The following ADAM12 variants were observed in gnomAD, a reference collection of about 807,000 sequenced individuals.
ADAM12 encodes the protein ADAM metallopeptidase domain 12.
In ADAM12, 70 loss-of-function variants were observed where a neutral mutation model predicts 106.4. That is an observed-to-expected ratio of 0.66 (90% CI 0.54 to 0.80). The LOEUF is 0.80. Ranked by LOEUF, ADAM12 falls within the 30% of genes least tolerant of loss-of-function variation. The probability of loss-of-function intolerance (pLI) is 0.00; values close to 1 mark genes in which losing one functional copy is unlikely to be tolerated. For synonymous variants in ADAM12, 420 were observed against 433.5 expected, an observed-to-expected ratio of 0.97 and a Z score of 0.39; for missense variants, 1,010 against 1,171.9, an observed-to-expected ratio of 0.86 and a Z score of 2.02.
At chr10:126,090,015 C>A (rs1231966418) in intron 11 of ADAM12, among the ~76,000 whole-genome samples, 15 of 152,132 alleles carry the variant, frequency 9.9e-5, no homozygotes, top group Non-Finnish European at 4.4e-5. Flanking sequence ...GTCTTGAACT[C>A]CTGGCCTCAA....
chr10:126,227,973 G>C (rs1012273681), intron 3 of ADAM12, among the ~76,000 whole-genome samples: 4 of 152,098 alleles, frequency 2.6e-5, no homozygotes, highest in African/African-American at 9.7e-5. Context: ...GGAGGAGACA[G>C]TGGGGACCTT....
chr10:126,099,583 T>C (rs1955621283), intron 9 of ADAM12, among the ~76,000 whole-genome samples: 1 of 152,166 alleles, frequency 6.6e-6, no homozygotes, highest in Non-Finnish European at 1.5e-5. Context: ...GGGAAAAATA[T>C]CAAAACACTC....
intron 3 of ADAM12, among the ~76,000 whole-genome samples, chr10:126,169,150 C>T (rs1471245): frequency 0.044 from 6,689 of 152,154 alleles, 206 homozygotes; most frequent in Non-Finnish European, 0.07. Context: ...CTGTGGCCTC[C>T]CTTTGGTTTC....
At chr10:126,132,453 G>T (rs1271749870) in intron 5 of ADAM12, among the ~76,000 whole-genome samples, 2 of 151,694 alleles carry the variant, frequency 1.3e-5, no homozygotes, top group Non-Finnish European at 2.9e-5. Context: ...ATGGCCTTGT[G>T]TATCTCTGCC....
intron 3 of ADAM12, among the ~76,000 whole-genome samples, chr10:126,201,412 G>A (rs115626279): frequency 0.013 from 1,967 of 152,186 alleles, 35 homozygotes; most frequent in African/African-American, 0.043. Context: ...AGAGACTGGA[G>A]TGTTGTTGCC....
At chr10:126,052,407 C>G (rs1234127958) in intron 14 of ADAM12, among the ~76,000 whole-genome samples, 1 of 152,242 alleles carries the variant, frequency 6.6e-6, no homozygotes, top group South Asian at 2.1e-4. Context: ...GCACGCAATG[C>G]TATTCTGATG....
chr10:126,123,451 G>A (rs574768980), intron 5 of ADAM12, among the ~76,000 whole-genome samples: 1 of 152,286 alleles, frequency 6.6e-6, no homozygotes, highest in Admixed American at 6.5e-5. Context: ...GATGAAGACC[G>A]TGGGTCCCTT....
intron 3 of ADAM12, among the ~76,000 whole-genome samples, chr10:126,159,516 A>G (rs946259568): frequency 3.9e-5 from 6 of 152,128 alleles, no homozygotes; most frequent in Non-Finnish European, 7.4e-5. Flanking sequence ...AACAAGGTAT[A>G]TAGATACCTA....
chr10:126,116,049 T>C (rs1955976412), intron 6 of ADAM12, among the ~76,000 whole-genome samples: 1 of 152,222 alleles, frequency 6.6e-6, no homozygotes, highest in Non-Finnish European at 1.5e-5. Flanking sequence ...TGCACTTCAA[T>C]ATGCATTATT....
intron 1 of ADAM12, among the ~76,000 whole-genome samples, chr10:126,368,259 T>A (rs1855985157): frequency 6.6e-6 from 1 of 151,942 alleles, no homozygotes; most frequent in African/African-American, 2.4e-5. Flanking sequence ...GCTACCCAGT[T>A]GTTATTTATA....
At chr10:126,158,040 C>A (rs886129452) in intron 3 of ADAM12, among the ~76,000 whole-genome samples, 8 of 152,094 alleles carry the variant, frequency 5.3e-5, no homozygotes, top group Non-Finnish European at 1.0e-4. Flanking sequence ...GCGAGGTGAA[C>A]GAATGTTCCA....
chr10:126,065,945 TA>T (rs1954858553), intron 13 of ADAM12, among the ~76,000 whole-genome samples: 1 of 152,150 alleles, frequency 6.6e-6, no homozygotes, highest in East Asian at 1.9e-4. Flanking sequence ...TAATCAGCAT[TA>T]GGAAGAGGAT....
Position 126,197,141 on chromosome 10 carries a change from T to TGGAAGACATGGCTAGGTGA in ADAM12, c.261-41855_261-41837dup, listed in dbSNP as rs1427396693. Among the ~76,000 whole-genome samples the TGGAAGACATGGCTAGGTGA allele has an allele frequency of 8.1e-4, 123 of 152,204 alleles. 1 individual carries two copies. The highest frequency in any genetic ancestry group is 2.9e-3 in the African/African-American group (119 of 41,536). On this transcript the variant is annotated intron_variant, in intron 3 of 22. Transcript: ENST00000448723. ...GTCCCAGGTGGAGGCAGGGGTGGTG[T>TGGAAGACATGGCTAGGTGA]GGAAGACATGGCTAGGTGAGGAGCT...
At chr10:126,379,998 AG>A (rs1856433666) in intron 1 of ADAM12, among the ~76,000 whole-genome samples, 1 of 152,260 alleles carries the variant, frequency 6.6e-6, no homozygotes, top group African/African-American at 2.4e-5. Context: ...TTCCAGGAGT[AG>A]GTAAACAGAC....
intron 3 of ADAM12, among the ~76,000 whole-genome samples, chr10:126,216,141 T>C (rs7089454): frequency 0.28 from 42,898 of 152,072 alleles, 6,576 homozygotes; most frequent in African/African-American, 0.4. Flanking sequence ...GAGAAGATAG[T>C]GAAACTCCCT....
At chr10:126,173,515 A>C (rs1957157422) in intron 3 of ADAM12, among the ~76,000 whole-genome samples, 1 of 152,076 alleles carries the variant, frequency 6.6e-6, no homozygotes, top group South Asian at 2.1e-4. Flanking sequence ...TCCCAACCAA[A>C]ACTGTCCCCA....
At chr10:126,248,681 GTATGTATTTATT>G (rs1489222848) in intron 3 of ADAM12, among the ~76,000 whole-genome samples, 354 of 31,744 alleles carry the variant, frequency 0.011, no homozygotes, top group African/African-American at 0.054. Flanking sequence ...ATGTATGTAT[GTATGTATTTATT>G]TATTTATTTA....
chr10:126,233,409 G>A (rs1332009131), intron 3 of ADAM12, among the ~76,000 whole-genome samples: 1 of 152,200 alleles, frequency 6.6e-6, no homozygotes. Flanking sequence ...CCTGCTGGGG[G>A]AGGAGGGTGT....
intron 3 of ADAM12, among the ~76,000 whole-genome samples, chr10:126,268,132 AG>A (rs1959136618): frequency 6.6e-6 from 1 of 152,154 alleles, no homozygotes; most frequent in African/African-American, 2.4e-5. Flanking sequence ...CTAACCCTCC[AG>A]GCCCCGGTAA....
Sources: gnomAD v4.1 joint callset for allele counts (sites outside exome capture counted in the v4.1 genomes callset) on GRCh38, gnomAD v4.1.1 for gene constraint, MANE v1.5 for transcripts, NCBI Gene and HGNC (gene_info 2026-07-23, HGNC 2026-07-21) for gene names.